Variants in GMDS observed in about 807,000 individuals in gnomAD.
The protein encoded by GMDS is GDP-mannose 4,6-dehydratase.
In GMDS, 20 loss-of-function variants were observed where a neutral mutation model predicts 49.9. The ratio of observed to expected loss-of-function variants is 0.40; its 90% confidence interval spans 0.28 to 0.58. The LOEUF is 0.58. GMDS is among the 20% of genes least tolerant of loss of function. GMDS has a pLI of 0.42. For missense variants in GMDS, 362 were observed against 481.4 expected, an observed-to-expected ratio of 0.75 and a Z score of 2.32; for synonymous variants, 177 against 178.6, an observed-to-expected ratio of 0.99 and a Z score of 0.07.
chr6:2,014,764 T>C (rs566347781), intron 4 of GMDS, among the ~76,000 whole-genome samples: 17 of 152,164 alleles, frequency 1.1e-4, no homozygotes, highest in Non-Finnish European at 1.6e-4. Flanking sequence ...ATATACTAAT[T>C]AGAAAACAAA....
intron 7 of GMDS, among the ~76,000 whole-genome samples, chr6:1,804,412 C>A (rs966460189): frequency 6.6e-6 from 1 of 152,268 alleles, no homozygotes; most frequent in African/African-American, 2.4e-5. Context: ...TGAGGCTCAT[C>A]TCCACCACTG....
intron 4 of GMDS, among the ~76,000 whole-genome samples, chr6:1,961,553 A>G (rs1763945788): frequency 6.6e-6 from 1 of 152,260 alleles, no homozygotes; most frequent in South Asian, 2.1e-4. Context: ...CCAATTTCTA[A>G]GCGAATGCTG....
intron 4 of GMDS, among the ~76,000 whole-genome samples, chr6:2,038,657 C>A (rs138222898): frequency 1.3e-5 from 2 of 152,272 alleles, no homozygotes; most frequent in East Asian, 3.9e-4. Flanking sequence ...AGAAGCAAAG[C>A]ATTAATTCCT....
At chr6:1,674,648 C>G (rs1242012958) in intron 9 of GMDS, among the ~76,000 whole-genome samples, 6 of 139,618 alleles carry the variant, frequency 4.3e-5, no homozygotes, top group African/African-American at 1.6e-4. Flanking sequence ...CTCATTGCAG[C>G]CTCAACCTCC....
chr6:1,876,766 GA>G (rs1759089303), intron 7 of GMDS, among the ~76,000 whole-genome samples: 2 of 152,160 alleles, frequency 1.3e-5, no homozygotes, highest in African/African-American at 4.8e-5. Flanking sequence ...CTTTTATTTG[GA>G]ATATACCATA....
chr6:1,935,707 T>C (rs1242662726), intron 6 of GMDS, among the ~76,000 whole-genome samples: 2 of 152,110 alleles, frequency 1.3e-5, no homozygotes, highest in African/African-American at 2.4e-5. Context: ...TAAAAGTATA[T>C]CCATAAGACC....
At chr6:1,933,311 T>C (rs1762381358) in intron 6 of GMDS, among the ~76,000 whole-genome samples, 3 of 152,258 alleles carry the variant, frequency 2.0e-5, no homozygotes. Context: ...CTCCATCCTT[T>C]GCCTTTTGTG....
intron 9 of GMDS, among the ~76,000 whole-genome samples, chr6:1,644,309 T>C (rs1020305110): frequency 6.6e-6 from 1 of 152,158 alleles, no homozygotes; most frequent in African/African-American, 2.4e-5. Context: ...GGACTGCAGA[T>C]TGCCACCTGG....
intron 6 of GMDS, among the ~76,000 whole-genome samples, chr6:1,952,747 A>AG (rs1203306278): frequency 6.6e-6 from 1 of 152,130 alleles, no homozygotes; most frequent in Non-Finnish European, 1.5e-5. Context: ...GGAAAGGAAG[A>AG]GAAAAGAAGA....
chr6:2,177,350 C>A (rs751158077), intron 1 of GMDS, among the ~76,000 whole-genome samples: 32 of 152,182 alleles, frequency 2.1e-4, no homozygotes, highest in Middle Eastern at 3.4e-3. Context: ...AAAAACATAG[C>A]TGGCCGTCAT....
chr6:1,657,034 C>T (rs1395592942), intron 9 of GMDS, among the ~76,000 whole-genome samples: 1 of 152,158 alleles, frequency 6.6e-6, no homozygotes, highest in Non-Finnish European at 1.5e-5. Flanking sequence ...TGTCCACTTG[C>T]AGAGGGGCTC....
chr6:2,137,333 CTT>C lies in GMDS; in HGVS notation c.103-12604_103-12603del, dbSNP rs79714655. 3.7e-3 allele frequency among the ~76,000 whole-genome samples: 487 copies of C among 133,418 alleles called. 2 individuals carry two copies. Among genetic ancestry groups the C allele is most frequent in the African/African-American group, 7.7e-3 (267 of 34,846 alleles). 87.5% of individuals were successfully genotyped at this position (133,418 alleles called of 152,430 possible). A position where few individuals can be genotyped will look rare whatever the true frequency, so the allele number is the denominator to read the frequency against. ...AACATAAACCATACTGCTATATTCCCTTTTTTTTTTTTTTTTTTGGATGGAGT... is the reference window on the plus strand; with the variant it reads ...AACATAAACCATACTGCTATATTCCCTTTTTTTTTTTTTTTTGGATGGAGT... On this transcript the variant is annotated intron_variant, in intron 1 of 10. Coordinates refer to ENST00000380815, the MANE Select transcript of GMDS (RefSeq NM_001500.4).
intron 8 of GMDS, 45 bp downstream of exon 8, chr6:1,742,423 T>C: frequency 9.1e-7 from 1 of 1,093,198 alleles, no homozygotes; most frequent in Non-Finnish European, 1.4e-6. Flanking sequence ...CTCAGGTGCA[T>C]ACCTGCCAGA....
intron 7 of GMDS, among the ~76,000 whole-genome samples, chr6:1,893,807 A>T (rs1012276280): frequency 6.6e-5 from 10 of 152,328 alleles, no homozygotes; most frequent in African/African-American, 2.4e-4. Context: ...GAAGAAATTA[A>T]ATTAGCTCAA....
At chr6:2,110,657 GA>G (rs1167938011) in intron 4 of GMDS, among the ~76,000 whole-genome samples, 1 of 152,152 alleles carries the variant, frequency 6.6e-6, no homozygotes, top group East Asian at 1.9e-4. Flanking sequence ...ACTCTGTGAG[GA>G]AATCTCAGCT....
chr6:2,205,402 T>C (rs533959509), intron 1 of GMDS, among the ~76,000 whole-genome samples: 4 of 152,352 alleles, frequency 2.6e-5, no homozygotes, highest in African/African-American at 7.2e-5. Flanking sequence ...CCATGTCCTC[T>C]AATCCAAAGC....
intron 6 of GMDS, among the ~76,000 whole-genome samples, chr6:1,940,646 T>A (rs1168342589): frequency 1.3e-5 from 2 of 152,240 alleles, no homozygotes; most frequent in Non-Finnish European, 2.9e-5. Flanking sequence ...TTTAAAGGAA[T>A]CTCAGGCTTA....
intron 4 of GMDS, among the ~76,000 whole-genome samples, chr6:2,101,583 A>C (rs1773927961): frequency 6.6e-6 from 1 of 152,058 alleles, no homozygotes. Flanking sequence ...AAAGTATATC[A>C]AATCTATCTG....
intron 9 of GMDS, among the ~76,000 whole-genome samples, chr6:1,696,417 T>C (rs1045298844): frequency 6.6e-6 from 1 of 152,246 alleles, no homozygotes; most frequent in African/African-American, 2.4e-5. Context: ...TTTTCTTCTG[T>C]TCACTGCTAA....
Sources: allele counts gnomAD v4.1 joint callset (sites outside exome capture counted in the v4.1 genomes callset), GRCh38; gene constraint gnomAD v4.1.1; transcripts MANE v1.5; gene names NCBI Gene and HGNC (gene_info 2026-07-23, HGNC 2026-07-21).